The following TNR variants were observed in gnomAD, a reference collection of about 807,000 sequenced individuals.
TNR encodes the protein tenascin-R.
A neutral mutation model predicts 150.4 loss-of-function variants in TNR; 45 were observed. The ratio of observed to expected loss-of-function variants is 0.30; its 90% confidence interval spans 0.24 to 0.38. The LOEUF (loss-of-function observed/expected upper bound fraction) is 0.38, where lower values mean the gene tolerates loss of function less well. Ranked by LOEUF, TNR falls within the 10% of genes least tolerant of loss-of-function variation. The pLI is 1.00. For missense variants in TNR, 1,544 were observed against 1,759.1 expected, an observed-to-expected ratio of 0.88 and a Z score of 2.19; for synonymous variants, 687 against 678.4, an observed-to-expected ratio of 1.01 and a Z score of -0.20.
intron 1 of TNR, among the ~76,000 whole-genome samples, chr1:175,636,593 C>T (rs184069104): frequency 6.6e-5 from 10 of 152,298 alleles, no homozygotes; most frequent in African/African-American, 2.2e-4. Context: ...TGACCAGTCA[C>T]CCATGGACAG....
intron 1 of TNR, among the ~76,000 whole-genome samples, chr1:175,736,888 G>T (rs1168181467): frequency 6.6e-6 from 1 of 152,110 alleles, no homozygotes; most frequent in Non-Finnish European, 1.5e-5. Flanking sequence ...GGGCATGTAG[G>T]TACATGCCTG....
At position 175,365,087 on chromosome 1, in the gene TNR, G is replaced by T. The variant is rs1338084268; in HGVS notation, c.2510C>A (p.Ala837Asp). The T allele has an allele frequency of 1.2e-6, 2 of 1,613,948 alleles. No homozygotes were observed. Among genetic ancestry groups the T allele is most frequent in the Admixed American group, 1.7e-5 (1 of 59,988 alleles). Reference protein sequence around the residue: ...RHAVLMGLQPATEYIVNLVAV... With the variant: ...RHAVLMGLQPDTEYIVNLVAV... ...CACAAGGTTCACAATATACTCTGTG[G>T]CTGGTTGCAGGCCCATCAGGACAGC... The change falls in exon 12 of 23, where the codon GCC becomes GAC. Residue 837 changes from alanine to aspartate, a missense_variant. Coordinates refer to ENST00000367674, the MANE Select transcript of TNR (RefSeq NM_003285.3).
At chr1:175,535,103 T>C (rs572468420) in intron 1 of TNR, among the ~76,000 whole-genome samples, 52 of 152,288 alleles carry the variant, frequency 3.4e-4, no homozygotes, top group African/African-American at 1.2e-3. Context: ...AAAGTGAGAA[T>C]GGGCTAATAC....
chr1:175,451,107 G>C lies in TNR; in HGVS notation c.-63-44330C>G, dbSNP rs144625379. Among the ~76,000 whole-genome samples the C allele has an allele frequency of 9.9e-3, 1,507 of 151,856 alleles. 19 individuals are homozygous for C. The highest frequency in any genetic ancestry group is 0.031 in the African/African-American group (1,288 of 41,410). ...GAGCTCAAAAACTTAGAATTTCCAA[G>C]CTACAAAGGCCTGATAATCTGGCCC... On this transcript the variant is annotated intron_variant, in intron 2 of 22. Coordinates refer to ENST00000367674, the MANE Select transcript of TNR (RefSeq NM_003285.3).
rs562996055 is a variant in TNR at position 175,713,728 on chromosome 1, C to T, written c.-165+29498G>A. Among the ~76,000 whole-genome samples, 3 of 152,278 alleles carry T rather than the reference C, an allele frequency of 2.0e-5. No homozygotes were observed. In the South Asian group the frequency reaches 6.2e-4, roughly 32 times the overall value. On this transcript the variant is annotated intron_variant, in intron 1 of 22. Coordinates refer to ENST00000367674, the MANE Select transcript of TNR (RefSeq NM_003285.3). ...GTCTTAGGAGAAGAGTGACATTTCT[C>T]TGAGAAACAAAAGAACCATCTCTGA... is the stretch of plus-strand genomic sequence containing the variant.
chr1:175,662,697 A>G (rs900260199), intron 1 of TNR, among the ~76,000 whole-genome samples: 1 of 152,148 alleles, frequency 6.6e-6, no homozygotes, highest in African/African-American at 2.4e-5. Flanking sequence ...GGACCCAAAG[A>G]ACGTAGTTAT....
At chr1:175,324,913 C>G (rs6674894) in intron 21 of TNR, among the ~76,000 whole-genome samples, 7,813 of 152,242 alleles carry the variant, frequency 0.051, 660 homozygotes, top group African/African-American at 0.18. Flanking sequence ...AGGGCACCAC[C>G]ATGCAGCCTC....
intron 1 of TNR, among the ~76,000 whole-genome samples, chr1:175,543,253 TG>T (rs1660570471): frequency 6.6e-6 from 1 of 151,838 alleles, no homozygotes; most frequent in African/African-American, 2.4e-5. Flanking sequence ...AGCTGGCCTG[TG>T]GGGGGTCATT....
intron 1 of TNR, among the ~76,000 whole-genome samples, chr1:175,529,935 T>C (rs1387967321): frequency 6.6e-6 from 1 of 152,252 alleles, no homozygotes; most frequent in African/African-American, 2.4e-5. Context: ...CATGCTATTT[T>C]ATTGTTACCT....
intron 1 of TNR, among the ~76,000 whole-genome samples, chr1:175,541,121 G>A (rs1206411231): frequency 2.6e-5 from 4 of 152,018 alleles, no homozygotes; most frequent in South Asian, 2.1e-4. Context: ...CACCTCCTCC[G>A]AGAAGACGTC....
At chr1:175,719,993 G>A (rs1558090032) in intron 1 of TNR, among the ~76,000 whole-genome samples, 2 of 152,198 alleles carry the variant, frequency 1.3e-5, no homozygotes, top group South Asian at 2.1e-4. Context: ...CAGCCCTGCT[G>A]AGCAACACGT....
intron 1 of TNR, among the ~76,000 whole-genome samples, chr1:175,606,441 T>C (rs1163083946): frequency 6.6e-6 from 1 of 152,176 alleles, no homozygotes; most frequent in Non-Finnish European, 1.5e-5. Context: ...AAGAAGTAGA[T>C]GAAAGAGAAC....
chr1:175,470,114 T>C (rs1263805802), intron 2 of TNR, among the ~76,000 whole-genome samples: 1 of 151,214 alleles, frequency 6.6e-6, no homozygotes, highest in Non-Finnish European at 1.5e-5. Context: ...ACAGAAGGAG[T>C]TCAGTATTGG....
At position 175,365,214 on chromosome 1, in the gene TNR, T is replaced by C; in HGVS notation, c.2383A>G (p.Ser795Gly). ...CTGTCTGCTGGGGGAGATGGATCAC[T>C]CCAAGTGATGTTCACACTGGAGGAG... The part of the protein sequence containing the change: ...VTSSSVNITW[S>G]DPSPPADRLI... The change falls in exon 12 of 23, where the codon AGT (serine) becomes GGT (glycine). Residue 795 changes from serine to glycine, a missense_variant. Physicochemically the swap from Ser to Gly is moderately conservative, Grantham distance 56. Transcript: ENST00000367674. 1.2e-6 allele frequency: 2 copies of C among 1,613,972 alleles called. No homozygotes were observed. The highest frequency in any genetic ancestry group is 1.7e-6 in the Non-Finnish European group (2 of 1,179,938).
At chr1:175,402,078 C>T (rs1016422839) in intron 4 of TNR, among the ~76,000 whole-genome samples, 2 of 151,834 alleles carry the variant, frequency 1.3e-5, no homozygotes, top group African/African-American at 2.4e-5. Context: ...GAGGCCGAGG[C>T]GGGCGGATCA....
chr1:175,591,074 T>G (rs1031717116), intron 1 of TNR, among the ~76,000 whole-genome samples: 7 of 152,192 alleles, frequency 4.6e-5, no homozygotes, highest in Non-Finnish European at 1.0e-4. Context: ...AAATAGCTTT[T>G]AGGCTTAGCT....
intron 19 of TNR, 82 bp from the exon 20 acceptor site, chr1:175,335,889 A>T: frequency 7.9e-7 from 1 of 1,268,602 alleles, no homozygotes; most frequent in Non-Finnish European, 1.1e-6. Context: ...AAACTGTGAT[A>T]AGTAAAATTG....
At chr1:175,578,124 G>A (rs768479956) in intron 1 of TNR, among the ~76,000 whole-genome samples, 50 of 152,190 alleles carry the variant, frequency 3.3e-4, no homozygotes, top group Non-Finnish European at 6.6e-4. Flanking sequence ...CGGGTCTGTA[G>A]TTGTGTGTGC....
intron 1 of TNR, among the ~76,000 whole-genome samples, chr1:175,677,316 C>A (rs1331462441): frequency 3.3e-5 from 5 of 152,166 alleles, no homozygotes; most frequent in Non-Finnish European, 7.3e-5. Flanking sequence ...CTCTAAGCAA[C>A]TTTCTTAGAT....
Sources: gnomAD v4.1 joint callset for allele counts (sites outside exome capture counted in the v4.1 genomes callset) on GRCh38, gnomAD v4.1.1 for gene constraint, MANE v1.5 for transcripts, NCBI Gene and HGNC (gene_info 2026-07-23, HGNC 2026-07-21) for gene names.